The following COL23A1 variants were observed in gnomAD, a reference collection of about 807,000 sequenced individuals.
COL23A1 encodes collagen type XXIII alpha 1 chain.
Under a neutral mutation model 99.3 loss-of-function variants are expected in COL23A1, and 97 were observed. That is an observed-to-expected ratio of 0.98 (90% CI 0.83 to 1.16). The LOEUF (loss-of-function observed/expected upper bound fraction) is 1.16. Among genes scored for constraint, COL23A1 ranks in the 50% most tolerant of loss-of-function variants. The pLI is 0.00. For synonymous variants in COL23A1, 320 were observed against 308.2 expected, an observed-to-expected ratio of 1.04 and a Z score of -0.40; for missense variants, 762 against 757.4, an observed-to-expected ratio of 1.01 and a Z score of -0.07.
At chr5:178,298,015 C>T (rs1276035960) in intron 3 of COL23A1, among the ~76,000 whole-genome samples, 2 of 152,204 alleles carry the variant, frequency 1.3e-5, no homozygotes, top group Non-Finnish European at 2.9e-5. Context: ...GAGCTGGCTG[C>T]AGGGCTTCCA....
At chr5:178,466,300 G>A (rs1367743946) in intron 2 of COL23A1, among the ~76,000 whole-genome samples, 2 of 152,208 alleles carry the variant, frequency 1.3e-5, no homozygotes, top group African/African-American at 4.8e-5. Flanking sequence ...GCGCTTGCTA[G>A]CCACTGGTAG....
At chr5:178,371,233 A>G (rs1053185698) in intron 2 of COL23A1, among the ~76,000 whole-genome samples, 2 of 152,214 alleles carry the variant, frequency 1.3e-5, no homozygotes, top group African/African-American at 4.8e-5. Flanking sequence ...GAGGAGTTAG[A>G]CCCTGAAACG....
intron 2 of COL23A1, among the ~76,000 whole-genome samples, chr5:178,455,745 C>G (rs1767750457): frequency 6.6e-6 from 1 of 152,098 alleles, no homozygotes. Flanking sequence ...CCACCAGGCT[C>G]CACGAGGAGG....
chr5:178,385,082 C>T (rs1194491995), intron 2 of COL23A1, among the ~76,000 whole-genome samples: 1 of 152,106 alleles, frequency 6.6e-6, no homozygotes, highest in African/African-American at 2.4e-5. Flanking sequence ...CTCATGTTGT[C>T]ACAGCTGGGG....
At chr5:178,279,721 T>C (rs1441454486) in intron 5 of COL23A1, among the ~76,000 whole-genome samples, 1 of 152,114 alleles carries the variant, frequency 6.6e-6, no homozygotes, top group Non-Finnish European at 1.5e-5. Context: ...CCCTACGCCC[T>C]TACCATCCCG....
At chr5:178,249,053 GCA>G in intron 19 of COL23A1, 62 bp downstream of exon 19, 1 of 1,530,888 alleles carries the variant, frequency 6.5e-7, no homozygotes, top group Non-Finnish European at 9.0e-7. Flanking sequence ...AGCACGGGGG[GCA>G]CACAGTCACC....
At chr5:178,481,909 T>C in intron 2 of COL23A1, among the ~76,000 whole-genome samples, 1 of 147,972 alleles carries the variant, frequency 6.8e-6, no homozygotes, top group East Asian at 2.1e-4. Context: ...CATTAGAAGA[T>C]ATACCTAATG....
At chr5:178,421,282 G>C (rs1765621428) in intron 2 of COL23A1, among the ~76,000 whole-genome samples, 1 of 152,196 alleles carries the variant, frequency 6.6e-6, no homozygotes, top group African/African-American at 2.4e-5. Flanking sequence ...TAACTGGGCA[G>C]ACACTGGACT....
chr5:178,263,116 T>C, intron 9 of COL23A1, 92 bp downstream of exon 9: 1 of 928,410 alleles, frequency 1.1e-6, no homozygotes. Context: ...GGGTCTGCAC[T>C]AGAGATGGGG....
intron 2 of COL23A1, among the ~76,000 whole-genome samples, chr5:178,559,070 G>A (rs536240390): frequency 6.6e-6 from 1 of 152,296 alleles, no homozygotes; most frequent in Non-Finnish European, 1.5e-5. Context: ...GATTACAGGC[G>A]TGGGCCACCG....
intron 2 of COL23A1, among the ~76,000 whole-genome samples, chr5:178,311,718 T>TC (rs2127612441): frequency 1.9e-5 from 1 of 52,010 alleles, no homozygotes; most frequent in South Asian, 4.6e-4. Context: ...GTGTAACTGT[T>TC]TTTTGTTTTG....
At chr5:178,296,443 G>C (rs1463568029) in intron 3 of COL23A1, among the ~76,000 whole-genome samples, 1 of 152,198 alleles carries the variant, frequency 6.6e-6, no homozygotes, top group African/African-American at 2.4e-5. Context: ...GTCCTCTTCT[G>C]ACCTGGGGCA....
chr5:178,429,961 G>T (rs976774668), intron 2 of COL23A1, among the ~76,000 whole-genome samples: 1 of 152,046 alleles, frequency 6.6e-6, no homozygotes, highest in Non-Finnish European at 1.5e-5. Context: ...CCCTGTGCAG[G>T]GTCGCCCTTT....
At chr5:178,519,460 C>T (rs1023474413) in intron 2 of COL23A1, among the ~76,000 whole-genome samples, 3 of 152,242 alleles carry the variant, frequency 2.0e-5, no homozygotes, top group African/African-American at 7.2e-5. Flanking sequence ...GAACAAGTGG[C>T]CGCGCCCTGC....
chr5:178,473,739 C>A (rs1359506034), intron 2 of COL23A1, among the ~76,000 whole-genome samples: 1 of 152,058 alleles, frequency 6.6e-6, no homozygotes, highest in Non-Finnish European at 1.5e-5. Context: ...CTTACCCTAG[C>A]GAAACCCCTG....
chr5:178,267,324 C>T lies in COL23A1; in HGVS notation c.505G>A (p.Gly169Arg), dbSNP rs1366127314. The T allele has an allele frequency of 1.9e-6, 3 of 1,613,980 alleles. No individual in the cohort carries two copies. The Admixed American group carries it at 5.0e-5, about 27-fold the overall frequency. ...PGPKGEKGAP[G>R]DFGPRGDQGQ... ...GTTCTTACCCGGGGGCCAAAGTCTC[C>T]TGGTGCACCCTGGGAACAAAAGACA... is the stretch of plus-strand genomic sequence containing the variant. Residue 169 changes from glycine to arginine, a missense_variant, in exon 8 of 29, where the codon GGA (glycine) becomes AGA (arginine). Coordinates refer to ENST00000390654, the MANE Select transcript of COL23A1 (RefSeq NM_173465.4).
At chr5:178,328,981 C>T (rs1157204071) in intron 2 of COL23A1, among the ~76,000 whole-genome samples, 3 of 152,164 alleles carry the variant, frequency 2.0e-5, no homozygotes, top group Non-Finnish European at 4.4e-5. Context: ...CACAGCCAAC[C>T]CCGGGAGGCT....
intron 5 of COL23A1, among the ~76,000 whole-genome samples, chr5:178,277,239 G>T (rs1399330817): frequency 1.3e-5 from 2 of 149,682 alleles, no homozygotes; most frequent in African/African-American, 4.9e-5. Flanking sequence ...GGTGGCACAT[G>T]CCTGTAGCTC....
intron 2 of COL23A1, among the ~76,000 whole-genome samples, chr5:178,547,857 A>C (rs1337462848): frequency 4.8e-5 from 1 of 20,626 alleles, no homozygotes; most frequent in African/African-American, 2.3e-4. Flanking sequence ...ACCTACACAC[A>C]CCCACACCCA....
Sources: gnomAD v4.1 joint callset for allele counts (sites outside exome capture counted in the v4.1 genomes callset) on GRCh38, gnomAD v4.1.1 for gene constraint, MANE v1.5 for transcripts, NCBI Gene and HGNC (gene_info 2026-07-23, HGNC 2026-07-21) for gene names.